The following RSF1 variants were observed in gnomAD, a reference collection of about 807,000 sequenced individuals.
RSF1 encodes remodeling and spacing factor 1, also known as HBV pX-associated protein 8.
A neutral mutation model predicts 145.2 loss-of-function variants in RSF1; 13 were observed. The ratio of observed to expected loss-of-function variants is 0.09; its 90% CI spans 0.06 to 0.14. RSF1 has a LOEUF of 0.14. RSF1 is among the 10% of genes least tolerant of loss of function. RSF1 has a pLI of 1.00. For missense variants in RSF1, 1,517 were observed against 1,718.2 expected (o/e 0.88, Z 2.07); for synonymous variants, 577 against 592.6 (o/e 0.97, Z 0.38).
upstream of RSF1, chr11:77,820,751 G>A: frequency 1.3e-6 from 2 of 1,528,154 alleles, no homozygotes; most frequent in Non-Finnish European, 8.8e-7. Flanking sequence ...CGATGGGGGG[G>A]CGGGGGAAGT....
At chr11:77,862,749 A>T in the RSF1 span, among the ~76,000 whole-genome samples, 1 of 152,186 alleles carries the variant, frequency 6.6e-6, no homozygotes, top group Non-Finnish European at 1.5e-5. Flanking sequence ...TCTTTTCTAC[A>T]AAAGAGGTCT....
chr11:77,782,455 C>T (rs560706021), intron 1 of RSF1, among the ~76,000 whole-genome samples: 6 of 151,996 alleles, frequency 3.9e-5, no homozygotes, highest in East Asian at 3.9e-4. Context: ...GCAGGAGAAT[C>T]GCATAAATCC....
At chr11:77,741,225 C>G (rs934552396) in intron 3 of RSF1, among the ~76,000 whole-genome samples, 59 of 152,148 alleles carry the variant, frequency 3.9e-4, no homozygotes, top group African/African-American at 1.4e-3. Flanking sequence ...ACTAAAAACT[C>G]CCAAATCATC....
At chr11:77,725,399 A>T in intron 5 of RSF1, 146 bp downstream of exon 5, 1 of 588,358 alleles carries the variant, frequency 1.7e-6, no homozygotes, top group Non-Finnish European at 2.5e-6. Context: ...CATTTTCTTT[A>T]AATTAAGGAA....
chr11:77,714,040 C>T (rs66658383), intron 5 of RSF1, among the ~76,000 whole-genome samples: 27,403 of 152,088 alleles, frequency 0.18, 3,108 homozygotes, highest in African/African-American at 0.3. Context: ...TTAGAGCTCC[C>T]GTTATTTTTG....
chr11:77,844,319 A>G, the RSF1 span, among the ~76,000 whole-genome samples: 3 of 152,208 alleles, frequency 2.0e-5, no homozygotes, highest in Admixed American at 6.5e-5. Flanking sequence ...AAGGACACAC[A>G]TATTAAGTCC....
chr11:77,687,693 C>CT (rs1333044851), intron 9 of RSF1, among the ~76,000 whole-genome samples: 8 of 151,968 alleles, frequency 5.3e-5, no homozygotes, highest in Admixed American at 5.2e-4. Flanking sequence ...AAGCGAGACT[C>CT]TGTCTCCAAA....
Position 77,664,454 on chromosome 11 carries a change from A to G in RSF1, c.*2463T>C, listed in dbSNP as rs541375506. ...TGGTAAGAATTACCTTAGGCTTTCT[A>G]TAGTAGAAGAGTAAAAATAACTCCT... On this transcript the variant is annotated 3_prime_UTR_variant, in exon 16 of 16. Transcript: ENST00000308488. 6.6e-6 allele frequency: 1 copy of G among 152,348 alleles called. No homozygotes were observed. The highest frequency in any genetic ancestry group is 2.1e-4 in the South Asian group (1 of 4,828). 9.4% of individuals were successfully genotyped at this position (152,348 alleles called of 1,614,324 possible). A position where few individuals can be genotyped will look rare whatever the true frequency, so the allele number is the denominator to read the frequency against.
In RSF1 at chr11:77,701,252, C is replaced by A; in HGVS notation, c.1977G>T (p.Gln659His). ...ECQSTSTVGG[Q>H]SVKKVDLETL... ...TTTCTAGGTCTACTTTTTTCACAGA[C>A]TGGCCACCAACAGTACTTGTACTCT... Residue 659 changes from glutamine (Q) to histidine (H), a missense_variant, in exon 6 of 16, where the codon CAG becomes CAT. Around this residue, in one of 12 missense-constraint regions of RSF1, gnomAD observed 579 missense variants for 553.5 expected, o/e 1.05. Coordinates refer to ENST00000308488, the MANE Select transcript of RSF1 (RefSeq NM_016578.4). 6.2e-7 allele frequency: 1 copy of A among 1,614,108 alleles called. No homozygotes were observed. The highest frequency in any genetic ancestry group is 8.5e-7 in the Non-Finnish European group (1 of 1,180,012).
At chr11:77,718,698 A>G (rs907736940) in intron 5 of RSF1, among the ~76,000 whole-genome samples, 1 of 152,210 alleles carries the variant, frequency 6.6e-6, no homozygotes, top group African/African-American at 2.4e-5. Flanking sequence ...CCACACACAC[A>G]GAGAAGAGAG....
At chr11:77,689,847 CAGTCTTA>C (rs1159263831) in intron 9 of RSF1, among the ~76,000 whole-genome samples, 1 of 152,174 alleles carries the variant, frequency 6.6e-6, no homozygotes, top group Non-Finnish European at 1.5e-5. Context: ...GGCTCAAGTT[CAGTCTTA>C]AGAACTTCAT....
chr11:77,683,987 A>G (rs1959937079), intron 10 of RSF1, among the ~76,000 whole-genome samples, 168 bp from the exon 11 acceptor site: 1 of 152,246 alleles, frequency 6.6e-6, no homozygotes, highest in Non-Finnish European at 1.5e-5. Context: ...GAGTATACAG[A>G]TTAAAAAGAA....
At chr11:77,779,495 G>A (rs1948382105) in intron 1 of RSF1, among the ~76,000 whole-genome samples, 1 of 151,364 alleles carries the variant, frequency 6.6e-6, no homozygotes, top group Non-Finnish European at 1.5e-5. Flanking sequence ...CCATTCTCCT[G>A]CCTCAGCCTC....
chr11:77,683,629 A>G (rs575784799), intron 11 of RSF1, 81 bp downstream of exon 11: 1 of 834,620 alleles, frequency 1.2e-6, no homozygotes, highest in Non-Finnish European at 1.9e-6. Flanking sequence ...GCATGATAGA[A>G]AAAGCATATA....
At chr11:77,871,010 T>C in the RSF1 span, among the ~76,000 whole-genome samples, 1 of 152,262 alleles carries the variant, frequency 6.6e-6, no homozygotes, top group East Asian at 1.9e-4. Flanking sequence ...GGGCTTTATA[T>C]ATATAGGGCA....
At chr11:77,741,218 A>G (rs1364977132) in intron 3 of RSF1, among the ~76,000 whole-genome samples, 7 of 152,198 alleles carry the variant, frequency 4.6e-5, no homozygotes, top group Admixed American at 4.6e-4. Context: ...CGTTTGCACT[A>G]AAAACTCCCA....
Position 77,734,484 on chromosome 11 carries a change from A to G in RSF1, c.578+6247T>C. 3 of 1,588,396 alleles carry G rather than the reference A, an allele frequency of 1.9e-6. No homozygotes were observed. The South Asian group carries it at 3.3e-5, about 17-fold the overall frequency. ...GGAAATTAGCCGAGGCTTAGCTTTC[A>G]TTATCACTGTCTCCCAGGGTGTGCT... On this transcript the variant is annotated intron_variant, in intron 4 of 15. Coordinates refer to ENST00000308488, the MANE Select transcript of RSF1 (RefSeq NM_016578.4).
chr11:77,710,098 C>A (rs181971546), intron 5 of RSF1, among the ~76,000 whole-genome samples: 4 of 152,120 alleles, frequency 2.6e-5, no homozygotes, highest in East Asian at 3.9e-4. Context: ...GCTATACATG[C>A]CTTTTCTAAT....
intron 1 of RSF1, among the ~76,000 whole-genome samples, chr11:77,779,395 T>C (rs932959264): frequency 9.2e-5 from 14 of 151,960 alleles, no homozygotes; most frequent in Non-Finnish European, 1.9e-4. Flanking sequence ...TTTTTTTTTT[T>C]TTTTGAGATG....
Sources: gnomAD v4.1 joint callset for allele counts (sites outside exome capture counted in the v4.1 genomes callset) on GRCh38, gnomAD v4.1.1 for gene constraint, gnomAD v4.1.1 regional missense constraint, MANE v1.5 for transcripts, NCBI Gene and HGNC (gene_info 2026-07-23, HGNC 2026-07-21) for gene names.